Variants in SNTB1 observed in about 807,000 individuals in gnomAD.
SNTB1 encodes the protein syntrophin beta 1.
In SNTB1, 36 loss-of-function variants were observed where a neutral mutation model predicts 48.9. That is an observed-to-expected ratio of 0.74 (90% CI 0.56 to 0.97). SNTB1 has a LOEUF of 0.97. Among genes scored for constraint, SNTB1 ranks in the 50% least tolerant of loss-of-function variants. The pLI, the probability that SNTB1 is intolerant of heterozygous loss-of-function variation, is 0.00. For synonymous variants in SNTB1, 299 were observed against 294.6 expected, an observed-to-expected ratio of 1.01 and a Z score of -0.15; for missense variants, 786 against 703.4, an observed-to-expected ratio of 1.12 and a Z score of -1.33.
At chr8:120,572,484 T>C (rs1442933710) in intron 4 of SNTB1, among the ~76,000 whole-genome samples, 2 of 152,174 alleles carry the variant, frequency 1.3e-5, no homozygotes, top group African/African-American at 4.8e-5. Flanking sequence ...GCAAGAGAAG[T>C]CAGGCCTGGG....
chr8:120,652,660 G>A (rs1167517112), intron 2 of SNTB1, among the ~76,000 whole-genome samples: 2 of 152,088 alleles, frequency 1.3e-5, no homozygotes, highest in Non-Finnish European at 2.9e-5. Flanking sequence ...GTAAAATTGA[G>A]ATGGTTGTGG....
At chr8:120,626,356 A>T (rs1816882886) in intron 3 of SNTB1, among the ~76,000 whole-genome samples, 1 of 152,228 alleles carries the variant, frequency 6.6e-6, no homozygotes, top group Non-Finnish European at 1.5e-5. Flanking sequence ...GGTAATAAAA[A>T]TGACTGTGAA....
At chr8:120,722,873 T>A (rs1380874650) in intron 1 of SNTB1, among the ~76,000 whole-genome samples, 1 of 152,154 alleles carries the variant, frequency 6.6e-6, no homozygotes, top group South Asian at 2.1e-4. Flanking sequence ...TTTATGGTTT[T>A]AGGTCTAACA....
rs181115801 is a variant in SNTB1, at chr8:120,703,503, T to C, written c.572-9595A>G. On this transcript the variant is annotated intron_variant, in intron 1 of 6. Coordinates refer to ENST00000517992, the MANE Select transcript of SNTB1 (RefSeq NM_021021.4). Reference sequence around the variant, plus strand: ...ATCAAGTAGCAGAGGCCAGAGAGTATCAGTCACTTGCCTAAGGTTACAAGA... The same window carrying C: ...ATCAAGTAGCAGAGGCCAGAGAGTACCAGTCACTTGCCTAAGGTTACAAGA... Among the ~76,000 whole-genome samples, 15 of 152,270 alleles carry C rather than the reference T, an allele frequency of 9.9e-5. No individual in the cohort carries two copies. In the East Asian group the frequency reaches 2.7e-3, roughly 27 times the overall value.
chr8:120,667,081 T>TTCTCTC (rs35665089), intron 2 of SNTB1, among the ~76,000 whole-genome samples: 139 of 143,492 alleles, frequency 9.7e-4, no homozygotes, highest in African/African-American at 3.4e-3. Flanking sequence ...TGTTTGGTAA[T>TTCTCTC]TCTCTCTCTC....
chr8:120,613,745 T>C (rs566530897), intron 3 of SNTB1, among the ~76,000 whole-genome samples: 2 of 152,332 alleles, frequency 1.3e-5, no homozygotes, highest in East Asian at 3.9e-4. Context: ...TTAATCTTTG[T>C]TGGGTATCAG....
intron 3 of SNTB1, among the ~76,000 whole-genome samples, chr8:120,588,098 A>G (rs531217537): frequency 6.6e-6 from 1 of 152,340 alleles, no homozygotes; most frequent in South Asian, 2.1e-4. Context: ...ATGCTTCAAC[A>G]TCCTGTGTTT....
chr8:120,779,569 G>C (rs574059228), intron 1 of SNTB1, among the ~76,000 whole-genome samples: 52 of 152,200 alleles, frequency 3.4e-4, no homozygotes, highest in African/African-American at 1.2e-3. Flanking sequence ...TGATGACTGA[G>C]AGCCCAACTG....
At chr8:120,658,236 GA>G (rs1817531342) in intron 2 of SNTB1, among the ~76,000 whole-genome samples, 1 of 152,180 alleles carries the variant, frequency 6.6e-6, no homozygotes, top group South Asian at 2.1e-4. Flanking sequence ...CTGTTAACAG[GA>G]ACTATCAGTA....
At chr8:120,805,769 A>G (rs578062869) in intron 1 of SNTB1, among the ~76,000 whole-genome samples, 1 of 152,370 alleles carries the variant, frequency 6.6e-6, no homozygotes, top group East Asian at 1.9e-4. Context: ...CTGACAAATC[A>G]TTCCAACCTT....
At chr8:120,604,484 C>A (rs990213056) in intron 3 of SNTB1, among the ~76,000 whole-genome samples, 1 of 142,882 alleles carries the variant, frequency 7.0e-6, no homozygotes, top group African/African-American at 2.6e-5. Flanking sequence ...GAGACAGTTT[C>A]TCTCTGTCTC....
intron 1 of SNTB1, among the ~76,000 whole-genome samples, chr8:120,805,476 G>T (rs980075506): frequency 1.3e-5 from 2 of 152,066 alleles, no homozygotes; most frequent in African/African-American, 2.4e-5. Context: ...GCCATTGCAG[G>T]CTTTCAAAAT....
At chr8:120,724,535 T>C (rs1392065347) in intron 1 of SNTB1, among the ~76,000 whole-genome samples, 2 of 152,088 alleles carry the variant, frequency 1.3e-5, no homozygotes, top group African/African-American at 2.4e-5. Context: ...AAGGGTTGAG[T>C]AGTTTGATGG....
intron 2 of SNTB1, among the ~76,000 whole-genome samples, chr8:120,645,156 T>C (rs1294789114): frequency 1.3e-5 from 2 of 152,062 alleles, no homozygotes; most frequent in African/African-American, 4.8e-5. Context: ...GTGCAGAAGC[T>C]CTTTAGTTTA....
chr8:120,595,788 G>T (rs1816313373), intron 3 of SNTB1, among the ~76,000 whole-genome samples: 1 of 152,032 alleles, frequency 6.6e-6, no homozygotes, highest in South Asian at 2.1e-4. Context: ...TCTCCATGTT[G>T]GTCAGGCTGG....
chr8:120,724,296 C>G (rs1818717867), intron 1 of SNTB1, among the ~76,000 whole-genome samples: 1 of 152,230 alleles, frequency 6.6e-6, no homozygotes, highest in South Asian at 2.1e-4. Context: ...CCAGGCCTGC[C>G]TGCTTTAATT....
intron 4 of SNTB1, among the ~76,000 whole-genome samples, chr8:120,556,911 G>A (rs1004730424): frequency 1.7e-4 from 26 of 152,134 alleles, no homozygotes; most frequent in African/African-American, 6.0e-4. Flanking sequence ...TGGCTCACAG[G>A]CATATTAGAC....
intron 1 of SNTB1, among the ~76,000 whole-genome samples, chr8:120,729,260 A>G (rs571699801): frequency 6.6e-6 from 1 of 152,350 alleles, no homozygotes; most frequent in East Asian, 1.9e-4. Flanking sequence ...CTGGGATTAC[A>G]GGCGTGAGCC....
At chr8:120,710,947 G>A (rs1171502454) in intron 1 of SNTB1, among the ~76,000 whole-genome samples, 1 of 152,182 alleles carries the variant, frequency 6.6e-6, no homozygotes, top group East Asian at 1.9e-4. Context: ...CCTGGGTACT[G>A]ATATGAATCT....
Sources: gnomAD v4.1 joint callset for allele counts (sites outside exome capture counted in the v4.1 genomes callset) on GRCh38, gnomAD v4.1.1 for gene constraint, MANE v1.5 for transcripts, NCBI Gene and HGNC (gene_info 2026-07-23, HGNC 2026-07-21) for gene names.